The following SLC24A3 variants were observed in gnomAD, a reference collection of about 807,000 sequenced individuals.
The protein encoded by SLC24A3 is solute carrier family 24 member 3, also known as sodium/potassium/calcium exchanger 3.
A neutral mutation model predicts 75.8 loss-of-function variants in SLC24A3; 28 were observed. That is an observed-to-expected ratio of 0.37 (90% CI 0.27 to 0.51). The LOEUF (loss-of-function observed/expected upper bound fraction) is 0.51, where lower values mean the gene tolerates loss of function less well. SLC24A3 is among the 20% of genes least tolerant of loss of function. The probability of loss-of-function intolerance (pLI) is 0.94; values close to 1 mark genes in which losing one functional copy is unlikely to be tolerated. For synonymous variants in SLC24A3, 372 were observed against 334.1 expected, an observed-to-expected ratio of 1.11 and a Z score of -1.24; for missense variants, 663 against 847.8, an observed-to-expected ratio of 0.78 and a Z score of 2.71.
At chr20:19,658,198 G>A (rs552852396) in intron 7 of SLC24A3, among the ~76,000 whole-genome samples, 13 of 152,308 alleles carry the variant, frequency 8.5e-5, no homozygotes, top group African/African-American at 3.1e-4. Flanking sequence ...GGGGCCTGGA[G>A]ACCCACAGAG....
At chr20:19,349,029 C>T (rs529268573) in intron 2 of SLC24A3, among the ~76,000 whole-genome samples, 1 of 152,270 alleles carries the variant, frequency 6.6e-6, no homozygotes, top group South Asian at 2.1e-4. Flanking sequence ...AGTGCTTGTT[C>T]CTTTAGGAAC....
chr20:19,633,250 C>G (rs2031956242), intron 6 of SLC24A3, among the ~76,000 whole-genome samples: 1 of 152,216 alleles, frequency 6.6e-6, no homozygotes, highest in Non-Finnish European at 1.5e-5. Context: ...GCAGAGTTTA[C>G]TTCTTCCGAA....
intron 2 of SLC24A3, among the ~76,000 whole-genome samples, chr20:19,429,215 A>G (rs1351834014): frequency 6.6e-6 from 1 of 152,236 alleles, no homozygotes; most frequent in African/African-American, 2.4e-5. Flanking sequence ...ATCCTCCACT[A>G]TTCTCACCTT....
chr20:19,242,972 CTCT>C (rs1163547904), intron 1 of SLC24A3, among the ~76,000 whole-genome samples: 1 of 151,992 alleles, frequency 6.6e-6, no homozygotes, highest in Non-Finnish European at 1.5e-5. Context: ...TTTTCCTTTT[CTCT>C]TCTTAGTAAA....
At chr20:19,638,288 A>G (rs572160078) in intron 6 of SLC24A3, among the ~76,000 whole-genome samples, 3 of 152,318 alleles carry the variant, frequency 2.0e-5, no homozygotes, top group South Asian at 4.2e-4. Context: ...TGATTCTTTT[A>G]TTTGGCATTA....
intron 2 of SLC24A3, among the ~76,000 whole-genome samples, chr20:19,357,437 G>A (rs770673456): frequency 2.0e-5 from 3 of 152,140 alleles, no homozygotes; most frequent in Non-Finnish European, 4.4e-5. Flanking sequence ...GCATAGGGAT[G>A]GCCTCTTCTG....
chr20:19,272,888 G>T lies in SLC24A3; in HGVS notation c.143-8071G>T, dbSNP rs373734225. Among the ~76,000 whole-genome samples, 254 of 152,192 alleles carry T rather than the reference G, an allele frequency of 1.7e-3. 1 individual carries two copies. The Middle Eastern group carries it at 0.017, about 10-fold the overall frequency. ...CCTGGAGCTTACAACCTGCGGGTGG[G>T]GGTCAGGGACGGGTGATGGAGTAAA... On this transcript the variant is annotated intron_variant, in intron 1 of 16. Transcript: ENST00000328041.
intron 2 of SLC24A3, among the ~76,000 whole-genome samples, chr20:19,457,890 GCT>G (rs745650432): frequency 5.9e-5 from 9 of 152,214 alleles, no homozygotes; most frequent in Non-Finnish European, 1.0e-4. Context: ...GGCAGCTCCA[GCT>G]ATGAGGTTCA....
At chr20:19,669,693 T>C (rs779786319) in intron 8 of SLC24A3, among the ~76,000 whole-genome samples, 4 of 152,048 alleles carry the variant, frequency 2.6e-5, no homozygotes, top group East Asian at 3.9e-4. Flanking sequence ...GTTGTGACTT[T>C]GGGAGAGAAA....
At chr20:19,514,390 G>A (rs562280432) in intron 2 of SLC24A3, among the ~76,000 whole-genome samples, 46 of 152,364 alleles carry the variant, frequency 3.0e-4, no homozygotes, top group Admixed American at 7.8e-4. Context: ...CAGGTGGCAA[G>A]CAGGTATCAT....
chr20:19,605,081 G>A (rs1301164861), intron 6 of SLC24A3, among the ~76,000 whole-genome samples: 5 of 152,088 alleles, frequency 3.3e-5, no homozygotes, highest in African/African-American at 4.8e-5. Flanking sequence ...CTATTTTAAA[G>A]TATAAGAGTT....
chr20:19,257,255 A>C (rs1358329138), intron 1 of SLC24A3, among the ~76,000 whole-genome samples: 2 of 152,194 alleles, frequency 1.3e-5, no homozygotes, highest in Non-Finnish European at 2.9e-5. Context: ...AGCAGCCTGG[A>C]GCCATCTACA....
intron 6 of SLC24A3, among the ~76,000 whole-genome samples, chr20:19,644,926 T>C (rs553433199): frequency 3.3e-4 from 50 of 152,218 alleles, no homozygotes; most frequent in Non-Finnish European, 7.1e-4. Context: ...TAAGCACTTT[T>C]ATCTAGCATT....
intron 1 of SLC24A3, among the ~76,000 whole-genome samples, chr20:19,230,384 G>A (rs1315436450): frequency 6.6e-6 from 1 of 152,044 alleles, no homozygotes; most frequent in African/African-American, 2.4e-5. Flanking sequence ...AGAATACTGA[G>A]GTGGAACCTT....
intron 2 of SLC24A3, among the ~76,000 whole-genome samples, chr20:19,313,377 C>T (rs928194826): frequency 3.9e-5 from 6 of 152,092 alleles, no homozygotes; most frequent in Non-Finnish European, 7.4e-5. Flanking sequence ...CCAAGGGAGA[C>T]GAAATGAAGC....
intron 6 of SLC24A3, among the ~76,000 whole-genome samples, chr20:19,635,648 T>A (rs1308086552): frequency 1.3e-5 from 2 of 152,186 alleles, no homozygotes; most frequent in Non-Finnish European, 2.9e-5. Context: ...GGGGCTGGAA[T>A]CATCTGGAAG....
At chr20:19,615,207 T>C (rs1042278844) in intron 6 of SLC24A3, among the ~76,000 whole-genome samples, 9 of 151,588 alleles carry the variant, frequency 5.9e-5, no homozygotes, top group Non-Finnish European at 4.4e-5. Flanking sequence ...CAAATCAGAG[T>C]CCGGAAGTTG....
chr20:19,446,506 C>T (rs1987387499), intron 2 of SLC24A3, among the ~76,000 whole-genome samples: 1 of 152,186 alleles, frequency 6.6e-6, no homozygotes, highest in Non-Finnish European at 1.5e-5. Context: ...TGGAAGCAAG[C>T]GTTCGGGGAA....
intron 15 of SLC24A3, among the ~76,000 whole-genome samples, chr20:19,710,161 A>T (rs1438770774): frequency 6.6e-6 from 1 of 152,238 alleles, no homozygotes; most frequent in Non-Finnish European, 1.5e-5. Context: ...AAATTAGCAA[A>T]AATCCAGGGG....
Sources: gnomAD v4.1 joint callset for allele counts (sites outside exome capture counted in the v4.1 genomes callset) on GRCh38, gnomAD v4.1.1 for gene constraint, MANE v1.5 for transcripts, NCBI Gene and HGNC (gene_info 2026-07-23, HGNC 2026-07-21) for gene names.